SLC12A1: variants seen among roughly 807,000 people sequenced by gnomAD.
SLC12A1 encodes the protein Na-K-2Cl cotransporter.
In SLC12A1, 89 loss-of-function variants were observed where a neutral mutation model predicts 130.4. That is an observed-to-expected ratio of 0.68 (90% confidence interval 0.58 to 0.81). The LOEUF (loss-of-function observed/expected upper bound fraction) is 0.81, where lower values mean the gene tolerates loss of function less well. Ranked by LOEUF, SLC12A1 falls within the 40% of genes least tolerant of loss-of-function variation. The pLI, the probability that SLC12A1 is intolerant of heterozygous loss-of-function variation, is 0.00. For synonymous variants in SLC12A1, 499 were observed against 460.0 expected (o/e 1.08, Z -1.09); for missense variants, 1,310 against 1,336.4 (o/e 0.98, Z 0.31).
At chr15:48,268,398 A>G (rs906338791) in intron 18 of SLC12A1, among the ~76,000 whole-genome samples, 15 of 152,174 alleles carry the variant, frequency 9.9e-5, no homozygotes, top group African/African-American at 3.4e-4. Context: ...CTTTCCGAGC[A>G]TTTTGGGTTT....
Position 48,243,278 on chromosome 15 carries a change from C to T in SLC12A1, c.1301-1475C>T, listed in dbSNP as rs76701523. Among the ~76,000 whole-genome samples the T allele has an allele frequency of 1.0e-3, 155 of 152,108 alleles. 2 individuals are homozygous for T. The East Asian group carries it at 0.028, about 27-fold the overall frequency. ...ATTGACATCCATAATTTCAAGCATT[C>T]AAGCAGAGGCTGGCAGGCTACCTCT... On this transcript the variant is annotated intron_variant, in intron 10 of 26. Transcript: ENST00000380993.
chr15:48,298,772 T>C (rs1406535043), intron 24 of SLC12A1, among the ~76,000 whole-genome samples: 3 of 152,208 alleles, frequency 2.0e-5, no homozygotes, highest in African/African-American at 7.2e-5. Flanking sequence ...ATTTGTGTGG[T>C]AAAGTATCTA....
chr15:48,224,754 T>C (rs370614194), intron 4 of SLC12A1: 1 of 152,174 alleles, frequency 6.6e-6, no homozygotes, highest in South Asian at 2.1e-4. Context: ...TTTTCTTGTA[T>C]CTACTTTTTT....
In SLC12A1 at chr15:48,261,782, T is replaced by TGGTGC. The variant is rs562170775; in HGVS notation, c.2154+2472_2154+2476dup. 1.5e-3 allele frequency among the ~76,000 whole-genome samples: 222 copies of TGGTGC among 152,300 alleles called. 1 individual carries two copies. The highest frequency in any genetic ancestry group is 5.1e-3 in the African/African-American group (212 of 41,560). On this transcript the variant is annotated intron_variant, in intron 17 of 26. Transcript: ENST00000380993. ...AATTTAGTTTTTAAGTCTAGAAAGA[T>TGGTGC]GGTGCTCATGGGCTTTTGAGAATAA...
chr15:48,282,644 A>G (rs1300494796), intron 20 of SLC12A1, among the ~76,000 whole-genome samples: 1 of 152,166 alleles, frequency 6.6e-6, no homozygotes, highest in Non-Finnish European at 1.5e-5. Context: ...GACAGTGACA[A>G]CAAAGTCTGG....
intron 6 of SLC12A1, among the ~76,000 whole-genome samples, chr15:48,230,123 T>C (rs1395659635): frequency 2.6e-5 from 4 of 152,188 alleles, no homozygotes; most frequent in Non-Finnish European, 5.9e-5. Flanking sequence ...TGTATATGTA[T>C]ACATATTTTC....
chr15:48,285,544 G>A (rs2042048170), intron 21 of SLC12A1, among the ~76,000 whole-genome samples: 1 of 152,192 alleles, frequency 6.6e-6, no homozygotes, highest in Non-Finnish European at 1.5e-5. Flanking sequence ...AAGTTTCTCA[G>A]TTAAGATGGA....
chr15:48,235,870 G>A (rs1031919140), intron 9 of SLC12A1, among the ~76,000 whole-genome samples: 7 of 152,036 alleles, frequency 4.6e-5, no homozygotes, highest in Admixed American at 1.3e-4. Context: ...ATGGGAAGGG[G>A]GATAAGCATG....
intron 20 of SLC12A1, among the ~76,000 whole-genome samples, chr15:48,279,658 G>A (rs2041990776): frequency 6.6e-6 from 1 of 152,134 alleles, no homozygotes; most frequent in South Asian, 2.1e-4. Flanking sequence ...TCACTTCCCA[G>A]AGGAATTTAG....
At chr15:48,219,005 G>C (rs12708413) in intron 2 of SLC12A1, among the ~76,000 whole-genome samples, 151,188 of 152,344 alleles carry the variant, frequency 0.99, 75,036 homozygotes, top group Middle Eastern at 1. Flanking sequence ...TTTTCAAAAT[G>C]AGGCCACAGG....
intron 5 of SLC12A1, chr15:48,227,217 G>C: frequency 8.1e-7 from 1 of 1,227,172 alleles, no homozygotes; most frequent in South Asian, 1.3e-5. Flanking sequence ...TTGGTTACTA[G>C]TAATGTCTGG....
At chr15:48,292,130 G>C (rs981619555) in intron 24 of SLC12A1, among the ~76,000 whole-genome samples, 10 of 152,228 alleles carry the variant, frequency 6.6e-5, no homozygotes, top group Non-Finnish European at 1.0e-4. Flanking sequence ...TCCTGTTCTT[G>C]TTTTCTATGG....
At chr15:48,254,001 T>G (rs572103656) in intron 15 of SLC12A1, among the ~76,000 whole-genome samples, 1 of 152,326 alleles carries the variant, frequency 6.6e-6, no homozygotes, top group African/African-American at 2.4e-5. Context: ...TGTTTTATTA[T>G]TATTCAGTAA....
At chr15:48,221,421 A>G in intron 4 of SLC12A1, 1 of 696,994 alleles carries the variant, frequency 1.4e-6, no homozygotes, top group Admixed American at 2.0e-5. Context: ...GACCTGACTA[A>G]TAAAAATGCT....
intron 14 of SLC12A1, among the ~76,000 whole-genome samples, chr15:48,250,631 T>C: frequency 6.9e-6 from 1 of 144,020 alleles, no homozygotes; most frequent in East Asian, 2.0e-4. Flanking sequence ...TAGAACAGCA[T>C]ATAGAGGAAG....
At chr15:48,235,313 C>A in intron 9 of SLC12A1, 13 of 345,118 alleles carry the variant, frequency 3.8e-5, no homozygotes, top group South Asian at 1.2e-4. Flanking sequence ...CTCTTTTAAA[C>A]CCAAATGAAT....
At chr15:48,243,439 C>T (rs1391980925) in intron 10 of SLC12A1, among the ~76,000 whole-genome samples, 5 of 152,024 alleles carry the variant, frequency 3.3e-5, no homozygotes, top group African/African-American at 7.2e-5. Flanking sequence ...AGGTGGATCA[C>T]GAGGTCAGGA....
At chr15:48,234,207 G>A (rs1226081269) in intron 8 of SLC12A1, among the ~76,000 whole-genome samples, 2 of 152,294 alleles carry the variant, frequency 1.3e-5, no homozygotes. Context: ...GTGTGTGAAT[G>A]TGTGTGGTGG....
At chr15:48,238,721 T>A (rs1240770009) in intron 9 of SLC12A1, among the ~76,000 whole-genome samples, 1 of 152,188 alleles carries the variant, frequency 6.6e-6, no homozygotes, top group African/African-American at 2.4e-5. Context: ...AGAAAACATT[T>A]ACTGTTTACA....
Sources: allele counts gnomAD v4.1 joint callset (sites outside exome capture counted in the v4.1 genomes callset), GRCh38; gene constraint gnomAD v4.1.1; transcripts MANE v1.5; gene names NCBI Gene and HGNC (gene_info 2026-07-23, HGNC 2026-07-21).